TJP1: variants seen among roughly 807,000 people sequenced by gnomAD.
TJP1 encodes the protein tight junction protein ZO-1.
TJP1 carries 43 observed loss-of-function variants against 194.2 expected under a neutral mutation model. The ratio of observed to expected loss-of-function variants is 0.22; its 90% confidence interval spans 0.17 to 0.29. The LOEUF (loss-of-function observed/expected upper bound fraction) is 0.29, where lower values mean the gene tolerates loss of function less well. TJP1 is among the 10% of genes least tolerant of loss of function. The probability of loss-of-function intolerance (pLI) is 1.00; values close to 1 mark genes in which losing one functional copy is unlikely to be tolerated. For synonymous variants in TJP1, 801 were observed against 779.0 expected, an observed-to-expected ratio of 1.03 and a Z score of -0.47; for missense variants, 1,971 against 2,185.7, an observed-to-expected ratio of 0.90 and a Z score of 1.96.
At chr15:29,737,962 TA>T (rs1280406162) in intron 10 of TJP1, among the ~76,000 whole-genome samples, 1 of 152,204 alleles carries the variant, frequency 6.6e-6, no homozygotes, top group Non-Finnish European at 1.5e-5. Flanking sequence ...GTAGTTCACT[TA>T]CTCTGCTGCC....
chr15:29,767,220 TG>T (rs1274508135), intron 4 of TJP1, among the ~76,000 whole-genome samples: 2 of 152,164 alleles, frequency 1.3e-5, no homozygotes, highest in African/African-American at 4.8e-5. Context: ...CTTCATTCTC[TG>T]CAAGCTGACG....
chr15:29,825,226 T>C (rs1252632319), upstream of TJP1, among the ~76,000 whole-genome samples: 3 of 152,166 alleles, frequency 2.0e-5, no homozygotes, highest in African/African-American at 4.8e-5. Context: ...AAAGAGTTTA[T>C]CCATGGAACA....
intron 8 of TJP1, among the ~76,000 whole-genome samples, chr15:29,746,372 C>A (rs1287840101): frequency 6.7e-6 from 1 of 149,470 alleles, no homozygotes; most frequent in African/African-American, 2.5e-5. Context: ...AGTGAGACTC[C>A]GTCTCAAAAA....
chr15:29,880,633 T>C (rs559597550), intron 2 of TJP1, among the ~76,000 whole-genome samples: 2 of 152,346 alleles, frequency 1.3e-5, no homozygotes, highest in East Asian at 3.9e-4. Context: ...ACCACTATTG[T>C]ATTCTCTGTT....
Position 29,822,062 on chromosome 15 carries a change from G to A in TJP1, c.-34C>T, listed in dbSNP as rs757061733. ...TCTCCAGCGCCGCGCGAGGCTCCTC[G>A]GACCCGAAACTCCGCGGCGCTGGCC... On this transcript the variant is annotated 5_prime_UTR_variant, in exon 1 of 28. Transcript: ENST00000614355. 2.0e-5 allele frequency: 26 copies of A among 1,277,088 alleles called. No homozygotes were observed. The highest frequency in any genetic ancestry group is 2.4e-5 in the Non-Finnish European group (24 of 1,011,908). 79.1% of individuals were successfully genotyped at this position (1,277,088 alleles called of 1,614,324 possible).
intron 25 of TJP1, among the ~76,000 whole-genome samples, chr15:29,708,192 G>A (rs2042017096): frequency 7.8e-6 from 1 of 127,492 alleles, no homozygotes; most frequent in African/African-American, 3.2e-5. Flanking sequence ...GGAGACTCTT[G>A]TCTCAAAAAA....
chr15:29,711,460 G>T (rs2042238887), intron 23 of TJP1, among the ~76,000 whole-genome samples: 1 of 152,096 alleles, frequency 6.6e-6, no homozygotes, highest in African/African-American at 2.4e-5. Context: ...CTGCCTCCCA[G>T]GCTCAAGTGA....
intron 1 of TJP1, among the ~76,000 whole-genome samples, chr15:29,963,078 T>C (rs774520042): frequency 6.6e-6 from 1 of 152,022 alleles, no homozygotes; most frequent in Non-Finnish European, 1.5e-5. Context: ...GAGGCGGAGG[T>C]TGCAGTGAGC....
chr15:29,953,755 G>C (rs1475043736), intron 2 of TJP1, among the ~76,000 whole-genome samples: 3 of 152,136 alleles, frequency 2.0e-5, no homozygotes, highest in Non-Finnish European at 4.4e-5. Context: ...GTAAGAAAAT[G>C]AACACAAGTT....
chr15:29,893,357 C>T (rs1277543939), intron 2 of TJP1, among the ~76,000 whole-genome samples: 1 of 152,168 alleles, frequency 6.6e-6, no homozygotes, highest in Non-Finnish European at 1.5e-5. Flanking sequence ...ATTTAGAATA[C>T]TCATAAACTT....
chr15:29,713,192 T>C (rs1239804937), intron 23 of TJP1, among the ~76,000 whole-genome samples: 1 of 152,250 alleles, frequency 6.6e-6, no homozygotes, highest in Non-Finnish European at 1.5e-5. Flanking sequence ...AGTTGAGTCC[T>C]GAAAGGTAGA....
intron 2 of TJP1, among the ~76,000 whole-genome samples, chr15:29,777,814 T>G (rs2047112289): frequency 6.6e-6 from 1 of 152,188 alleles, no homozygotes; most frequent in Admixed American, 6.5e-5. Context: ...GGTTATTCAT[T>G]GCAGACTGTT....
intron 2 of TJP1, among the ~76,000 whole-genome samples, chr15:29,874,293 G>C (rs2052624939): frequency 6.6e-6 from 1 of 152,170 alleles, no homozygotes; most frequent in Non-Finnish European, 1.5e-5. Context: ...GAGTGTATCA[G>C]GGATGGGGTT....
At chr15:29,911,270 T>C (rs1259849010) in intron 2 of TJP1, among the ~76,000 whole-genome samples, 1 of 152,162 alleles carries the variant, frequency 6.6e-6, no homozygotes, top group Non-Finnish European at 1.5e-5. Flanking sequence ...ACCCAGAGGC[T>C]GACAGAGCTG....
At chr15:29,848,283 T>C (rs1306776793) in intron 2 of TJP1, among the ~76,000 whole-genome samples, 2 of 152,222 alleles carry the variant, frequency 1.3e-5, no homozygotes, top group African/African-American at 4.8e-5. Context: ...CTATTTAGTA[T>C]TTCTCAGTTG....
At chr15:29,840,442 G>C (rs2051182255) in intron 2 of TJP1, among the ~76,000 whole-genome samples, 2 of 152,192 alleles carry the variant, frequency 1.3e-5, no homozygotes, top group South Asian at 4.1e-4. Flanking sequence ...TTGGGCAAGA[G>C]GGAAGAAATG....
chr15:29,933,729 G>C (rs140991187), intron 2 of TJP1, among the ~76,000 whole-genome samples: 1 of 152,266 alleles, frequency 6.6e-6, no homozygotes, highest in African/African-American at 2.4e-5. Context: ...TTCTCTGGGC[G>C]AGAAGCCCAG....
chr15:29,949,113 C>A (rs1038633152), intron 2 of TJP1, among the ~76,000 whole-genome samples: 9 of 150,514 alleles, frequency 6.0e-5, no homozygotes, highest in African/African-American at 2.2e-4. Flanking sequence ...ACCACTTCCA[C>A]CTCTACAACC....
Position 29,864,237 on chromosome 15 carries a change from C to CAA in TJP1, c.307-63537_307-63536dup, listed in dbSNP as rs397975539. ...TGAAACCCCGTCTCTACTAAAAATACAAAAAAAAAAAAAAAAAAAAAAAAA... is the reference window on the plus strand; with the variant it reads ...TGAAACCCCGTCTCTACTAAAAATACAAAAAAAAAAAAAAAAAAAAAAAAAAA... On this transcript the variant is annotated intron_variant, in intron 2 of 28. Transcript: ENST00000356107. 7.3e-3 allele frequency among the ~76,000 whole-genome samples: 139 copies of CAA among 18,942 alleles called. 15 individuals are homozygous for CAA. The highest frequency in any genetic ancestry group is 0.03 in the East Asian group (12 of 406). 12.4% of individuals were successfully genotyped at this position (18,942 alleles called of 152,430 possible). A position where few individuals can be genotyped will look rare whatever the true frequency, so the allele number is the denominator to read the frequency against.
Sources: gnomAD v4.1 joint callset for allele counts (sites outside exome capture counted in the v4.1 genomes callset) on GRCh38, gnomAD v4.1.1 for gene constraint, MANE v1.5 for transcripts, NCBI Gene and HGNC (gene_info 2026-07-23, HGNC 2026-07-21) for gene names.